The following GALNT17 variants were observed in gnomAD, a reference collection of about 807,000 sequenced individuals.
GALNT17 encodes UDP-GalNAc:polypeptide N-acetylgalactosaminyltransferase-like 3.
GALNT17 carries 29 observed loss-of-function variants against 63.7 expected under a neutral mutation model. The ratio of observed to expected loss-of-function variants is 0.46; its 90% CI spans 0.34 to 0.62. GALNT17 has a LOEUF of 0.62. GALNT17 is among the 20% of genes least tolerant of loss of function. The probability of loss-of-function intolerance (pLI) is 0.01; values close to 1 mark genes in which losing one functional copy is unlikely to be tolerated. For synonymous variants in GALNT17, 305 were observed against 318.3 expected (o/e 0.96, Z 0.45); for missense variants, 603 against 799.6 (o/e 0.75, Z 2.97).
At chr7:71,678,733 T>A (rs1223223668) in intron 9 of GALNT17, among the ~76,000 whole-genome samples, 1 of 151,398 alleles carries the variant, frequency 6.6e-6, no homozygotes, top group African/African-American at 2.4e-5. Context: ...AGGTGGAGCT[T>A]GCAGTGAGCC....
intron 1 of GALNT17, among the ~76,000 whole-genome samples, chr7:71,171,959 C>T (rs1471987544): frequency 1.3e-5 from 2 of 152,158 alleles, no homozygotes; most frequent in Non-Finnish European, 1.5e-5. Context: ...GATGCACCCT[C>T]CCACCCCCAG....
intron 2 of GALNT17, among the ~76,000 whole-genome samples, chr7:71,383,649 G>A (rs1422575536): frequency 6.6e-6 from 1 of 152,016 alleles, no homozygotes; most frequent in Non-Finnish European, 1.5e-5. Context: ...CCCCAAGCTG[G>A]TCTTGAACTC....
chr7:71,528,818 A>G (rs1247277579), intron 5 of GALNT17, among the ~76,000 whole-genome samples: 1 of 152,176 alleles, frequency 6.6e-6, no homozygotes, highest in Non-Finnish European at 1.5e-5. Flanking sequence ...AAGATGAATA[A>G]AACATTTTTA....
intron 5 of GALNT17, among the ~76,000 whole-genome samples, chr7:71,565,285 C>G (rs1413034704): frequency 6.6e-6 from 1 of 151,398 alleles, no homozygotes; most frequent in Admixed American, 6.6e-5. Context: ...AAAAATCAGG[C>G]TCCTGACGGG....
chr7:71,154,444 C>T (rs1027361275), intron 1 of GALNT17, among the ~76,000 whole-genome samples: 3 of 152,148 alleles, frequency 2.0e-5, no homozygotes, highest in Non-Finnish European at 4.4e-5. Context: ...TTTTAAGCCA[C>T]TTTTTGGGTG....
chr7:71,457,450 G>T (rs1290246525), intron 5 of GALNT17, among the ~76,000 whole-genome samples: 1 of 152,192 alleles, frequency 6.6e-6, no homozygotes, highest in African/African-American at 2.4e-5. Context: ...GGACAAGTCC[G>T]TAGAGTAAAG....
At chr7:71,354,568 G>A (rs1436668398) in intron 2 of GALNT17, among the ~76,000 whole-genome samples, 2 of 151,898 alleles carry the variant, frequency 1.3e-5, no homozygotes, top group Non-Finnish European at 2.9e-5. Context: ...TTATATTAAT[G>A]GAATTTATTC....
intron 1 of GALNT17, among the ~76,000 whole-genome samples, chr7:71,167,695 AT>A (rs1010200068): frequency 9.2e-5 from 14 of 151,742 alleles, no homozygotes; most frequent in Admixed American, 4.6e-4. Context: ...TTGTTTTATT[AT>A]TTTTTTTGAG....
At chr7:71,605,275 C>T (rs113191648) in intron 6 of GALNT17, among the ~76,000 whole-genome samples, 2,992 of 152,040 alleles carry the variant, frequency 0.02, 100 homozygotes, top group African/African-American at 0.068. Flanking sequence ...ACTAGGTTTC[C>T]GACAGAGGAC....
intron 5 of GALNT17, among the ~76,000 whole-genome samples, chr7:71,515,223 G>A (rs1019553257): frequency 1.3e-5 from 2 of 152,186 alleles, no homozygotes; most frequent in Admixed American, 1.3e-4. Flanking sequence ...TACAAAGAGA[G>A]AGAAATGCCT....
intron 5 of GALNT17, among the ~76,000 whole-genome samples, chr7:71,551,693 C>T (rs78171783): frequency 0.035 from 5,197 of 150,056 alleles, 94 homozygotes; most frequent in Middle Eastern, 0.082. Context: ...GGGAGGTTGA[C>T]GGTACATTGA....
At chr7:71,388,021 G>A (rs1402316146) in intron 2 of GALNT17, among the ~76,000 whole-genome samples, 3 of 152,068 alleles carry the variant, frequency 2.0e-5, no homozygotes, top group Non-Finnish European at 4.4e-5. Flanking sequence ...CTGTAGGGTG[G>A]TGAATCTGGG....
chr7:71,367,900 G>A (rs1373340605), intron 2 of GALNT17, among the ~76,000 whole-genome samples: 1 of 152,138 alleles, frequency 6.6e-6, no homozygotes, highest in African/African-American at 2.4e-5. Context: ...TAAGGAAGAG[G>A]GGACTTGTGA....
At chr7:71,309,120 C>G (rs1245288304) in intron 1 of GALNT17, among the ~76,000 whole-genome samples, 1 of 152,012 alleles carries the variant, frequency 6.6e-6, no homozygotes, top group Non-Finnish European at 1.5e-5. Context: ...CTGATGTCAC[C>G]CTCTACCTAG....
intron 1 of GALNT17, among the ~76,000 whole-genome samples, chr7:71,157,484 C>G (rs1252154770): frequency 6.6e-6 from 1 of 151,680 alleles, no homozygotes; most frequent in Non-Finnish European, 1.5e-5. Flanking sequence ...ATGGTGAAAC[C>G]CTGTCTCTTC....
intron 5 of GALNT17, among the ~76,000 whole-genome samples, chr7:71,513,000 T>C (rs1313497538): frequency 6.6e-6 from 1 of 152,230 alleles, no homozygotes; most frequent in Non-Finnish European, 1.5e-5. Context: ...TTCTGTGCAA[T>C]TAAAACACAT....
chr7:71,480,531 T>G (rs1261255732), intron 5 of GALNT17, among the ~76,000 whole-genome samples: 1 of 150,944 alleles, frequency 6.6e-6, no homozygotes, highest in East Asian at 2.0e-4. Context: ...ACTACTGAGC[T>G]CTGTCGCTCA....
intron 5 of GALNT17, among the ~76,000 whole-genome samples, chr7:71,495,244 C>A (rs1788076150): frequency 6.6e-6 from 1 of 152,028 alleles, no homozygotes; most frequent in Non-Finnish European, 1.5e-5. Flanking sequence ...CCACTGCACT[C>A]CAGCCTGGGT....
intron 1 of GALNT17, among the ~76,000 whole-genome samples, chr7:71,315,905 A>G (rs1791490421): frequency 1.3e-5 from 2 of 152,154 alleles, no homozygotes; most frequent in Admixed American, 6.5e-5. Flanking sequence ...CCTTGAGTGA[A>G]ATATCCCAAC....
Sources: allele counts gnomAD v4.1 joint callset (sites outside exome capture counted in the v4.1 genomes callset), GRCh38; gene constraint gnomAD v4.1.1; transcripts MANE v1.5; gene names NCBI Gene and HGNC (gene_info 2026-07-23, HGNC 2026-07-21).